The following AGAP1 variants were observed in gnomAD, a reference collection of about 807,000 sequenced individuals.
AGAP1 encodes ArfGAP with GTPase domain, ankyrin repeat and PH domain 1.
A neutral mutation model predicts 105.3 loss-of-function variants in AGAP1; 29 were observed. The observed-to-expected ratio is 0.28, with a 90% CI of 0.21 to 0.38. AGAP1 has a LOEUF of 0.38. Among genes scored for constraint, AGAP1 ranks in the 10% least tolerant of loss-of-function variants. AGAP1 has a pLI of 1.00. For synonymous variants in AGAP1, 509 were observed against 485.9 expected, an observed-to-expected ratio of 1.05 and a Z score of -0.63; for missense variants, 998 against 1,165.1, an observed-to-expected ratio of 0.86 and a Z score of 2.09.
At chr2:235,681,348 C>T (rs1029712081) in intron 1 of AGAP1, among the ~76,000 whole-genome samples, 4 of 152,258 alleles carry the variant, frequency 2.6e-5, no homozygotes, top group Admixed American at 6.5e-5. Flanking sequence ...CCTTCTTACG[C>T]GCCTCCCGAG....
In AGAP1 at chr2:236,044,790, T is replaced by C. The variant is rs534818603; in HGVS notation, c.1891+3949T>C. 2.3e-4 allele frequency among the ~76,000 whole-genome samples: 34 copies of C among 145,488 alleles called. No homozygotes were observed. The South Asian group carries it at 7.5e-3, about 32-fold the overall frequency. On this transcript the variant is annotated intron_variant, in intron 15 of 17. Transcript: ENST00000304032. This position sits in a 1 kb window ranked among gnomAD's most constrained non-coding sequence, Gnocchi z 5.7. Reference sequence around the variant, plus strand: ...AATCACACACACACACACACACACATCCCTACTCCCTGCTGTTCTGCCCTG... The same window carrying C: ...AATCACACACACACACACACACACACCCCTACTCCCTGCTGTTCTGCCCTG...
intron 1 of AGAP1, among the ~76,000 whole-genome samples, chr2:235,560,678 G>A (rs1043263888): frequency 1.3e-5 from 2 of 152,174 alleles, no homozygotes; most frequent in Non-Finnish European, 2.9e-5. Context: ...CTAAAATTTC[G>A]GAAAAGATGA....
rs1347035330 is a variant in AGAP1, at chr2:236,121,644, A to G, written c.2370+1197A>G. ...GGTGCAGTTGGTGAATGAGTGAGAT[A>G]TAGACACTACACCAAAATCACACAG... is the stretch of plus-strand genomic sequence containing the variant. On this transcript the variant is annotated intron_variant, in intron 17 of 17. Transcript: ENST00000304032. This position sits in a 1 kb window ranked among gnomAD's most constrained non-coding sequence, Gnocchi z 4.9. Among the ~76,000 whole-genome samples the G allele has an allele frequency of 6.6e-6, 1 of 152,166 alleles. No individual in the cohort carries two copies. Among genetic ancestry groups the G allele is most frequent in the African/African-American group, 2.4e-5 (1 of 41,446 alleles).
At position 235,777,687 on chromosome 2, in the gene AGAP1, C is replaced by T. The variant is rs552345188; in HGVS notation, c.674-20072C>T. On this transcript the variant is annotated intron_variant, in intron 6 of 17. Transcript: ENST00000304032. The surrounding 1 kb of genome is among the most constrained non-coding windows in gnomAD (Gnocchi z 5.1). Reference sequence around the variant, plus strand: ...GCACGTTCAAGCCTCCTGCCCAGCACCTTCCTAGAGCACCGCCATTGGCAT... The same window carrying T: ...GCACGTTCAAGCCTCCTGCCCAGCATCTTCCTAGAGCACCGCCATTGGCAT... Among the ~76,000 whole-genome samples the T allele has an allele frequency of 3.5e-4, 53 of 152,308 alleles. No homozygotes were observed. The South Asian group carries it at 4.1e-3, about 12-fold the overall frequency.
intron 1 of AGAP1, among the ~76,000 whole-genome samples, chr2:235,675,192 T>TGG (rs1363334789): frequency 2.4e-3 from 45 of 19,020 alleles, no homozygotes; most frequent in East Asian, 0.023. Context: ...GTTGGTTGGT[T>TGG]TTTTTTTTTT....
chr2:235,940,356 T>G (rs576719448), intron 12 of AGAP1, among the ~76,000 whole-genome samples: 37 of 152,266 alleles, frequency 2.4e-4, no homozygotes, highest in African/African-American at 8.2e-4. Context: ...ATGAGCCAGA[T>G]TGCCACTCCC....
At chr2:235,885,158 T>A (rs1378701873) in intron 10 of AGAP1, among the ~76,000 whole-genome samples, 2 of 152,206 alleles carry the variant, frequency 1.3e-5, no homozygotes, top group African/African-American at 4.8e-5. Context: ...GGGTGCATAC[T>A]CCCGGCTATT....
intron 16 of AGAP1, among the ~76,000 whole-genome samples, chr2:236,054,474 C>G (rs1032667749): frequency 2.2e-5 from 2 of 92,732 alleles, no homozygotes; most frequent in African/African-American, 9.7e-5. Context: ...TTCCTATTTT[C>G]TTTCTTAAAA....
At chr2:235,841,579 G>A (rs573752927) in intron 9 of AGAP1, among the ~76,000 whole-genome samples, 12 of 152,290 alleles carry the variant, frequency 7.9e-5, no homozygotes, top group African/African-American at 2.9e-4. Context: ...GCAGTGAACT[G>A]TGATCTCGCC....
chr2:236,102,604 A>C (rs901623448), intron 16 of AGAP1, among the ~76,000 whole-genome samples: 2 of 151,570 alleles, frequency 1.3e-5, no homozygotes, highest in African/African-American at 4.9e-5. Context: ...AAAAAAAAGA[A>C]AGAAAGAAAG....
chr2:235,757,343 T>C (rs1289148740), intron 6 of AGAP1, among the ~76,000 whole-genome samples: 1 of 151,232 alleles, frequency 6.6e-6, no homozygotes, highest in African/African-American at 2.5e-5. Context: ...GTGTGCCAGG[T>C]GCTAGCGCTC....
rs1475279661 is a variant in AGAP1, at chr2:236,050,746, AAAG to A, written c.2114+1469_2114+1471del. Among the ~76,000 whole-genome samples, 6 of 152,240 alleles carry A rather than the reference AAAG, an allele frequency of 3.9e-5. No individual in the cohort carries two copies. The highest frequency in any genetic ancestry group is 1.4e-4 in the African/African-American group (6 of 41,460). ...CTATGCATCTTACTGTTTATATGTA[AAAG>A]AAGCACATTCACTATTTTTAATATC... On this transcript the variant is annotated intron_variant, in intron 16 of 17. Transcript: ENST00000304032. This position sits in a 1 kb window ranked among gnomAD's most constrained non-coding sequence, Gnocchi z 4.0.
intron 2 of AGAP1, among the ~76,000 whole-genome samples, chr2:235,710,046 A>G (rs1294471670): frequency 6.6e-6 from 1 of 152,154 alleles, no homozygotes; most frequent in Admixed American, 6.5e-5. Flanking sequence ...ATGTGTGTGT[A>G]TGTATTTTCT....
intron 6 of AGAP1, among the ~76,000 whole-genome samples, chr2:235,763,060 GCGCGCGCGCACA>G (rs768418851): frequency 4.2e-3 from 445 of 105,834 alleles, no homozygotes; most frequent in East Asian, 0.017. Context: ...GTATGTGTGC[GCGCGCGCGCACA>G]CGTGCACCTG....
At chr2:235,969,347 G>A (rs2054542879) in intron 13 of AGAP1, among the ~76,000 whole-genome samples, 1 of 151,904 alleles carries the variant, frequency 6.6e-6, no homozygotes, top group South Asian at 2.1e-4. Flanking sequence ...ATTATGAGAG[G>A]TAAAATTAAT....
At chr2:235,629,266 CATT>C (rs371704981) in intron 1 of AGAP1, among the ~76,000 whole-genome samples, 6 of 133,618 alleles carry the variant, frequency 4.5e-5, no homozygotes, top group African/African-American at 1.5e-4. Context: ...GAGTAGTAGT[CATT>C]GTGTGTGTGT....
At position 235,566,532 on chromosome 2, in the gene AGAP1, G is replaced by A. The variant is rs1326751722; in HGVS notation, c.163+71683G>A. 7 of 977,314 alleles carry A rather than the reference G, an allele frequency of 7.2e-6. No homozygotes were observed. The highest frequency in any genetic ancestry group is 9.5e-5 in the South Asian group (2 of 21,112). 60.5% of individuals were successfully genotyped at this position (977,314 alleles called of 1,614,324 possible). On this transcript the variant is annotated intron_variant, in intron 1 of 17. Transcript: ENST00000304032. This position sits in a 1 kb window ranked among gnomAD's most constrained non-coding sequence, Gnocchi z 5.2. ...GAAAAGCACAAATCATCAGTGCGCCGTACGTTTTGGCCAGCACTTTATTTT... is the reference window on the plus strand; with the variant it reads ...GAAAAGCACAAATCATCAGTGCGCCATACGTTTTGGCCAGCACTTTATTTT...
chr2:235,605,734 G>A (rs756401096), intron 1 of AGAP1, among the ~76,000 whole-genome samples: 8 of 152,178 alleles, frequency 5.3e-5, no homozygotes, highest in Admixed American at 3.9e-4. Flanking sequence ...AGCTGTACCC[G>A]GTCAGCACAT....
rs1953625913 is a variant in AGAP1, at chr2:235,753,400, C to T, written c.673+2912C>T. Among the ~76,000 whole-genome samples, 1 of 152,118 alleles carries T rather than the reference C, an allele frequency of 6.6e-6. No individual in the cohort carries two copies. The highest frequency in any genetic ancestry group is 2.4e-5 in the African/African-American group (1 of 41,416). On this transcript the variant is annotated intron_variant, in intron 6 of 17. Coordinates refer to ENST00000304032, the MANE Select transcript of AGAP1 (RefSeq NM_001037131.3). The surrounding 1 kb of genome is among the most constrained non-coding windows in gnomAD (Gnocchi z 4.5). ...AGTTTCGTATTATAGAAATAATACA[C>T]TCTCATTATGTATTCGGATTTTGGC... is the stretch of plus-strand genomic sequence containing the variant.
Sources: gnomAD v4.1 joint callset for allele counts (sites outside exome capture counted in the v4.1 genomes callset) on GRCh38, gnomAD v4.1.1 for gene constraint, Gnocchi (gnomAD v3.1) non-coding constraint, MANE v1.5 for transcripts, NCBI Gene and HGNC (gene_info 2026-07-23, HGNC 2026-07-21) for gene names.